FMN1: variants seen among roughly 807,000 people sequenced by gnomAD.
FMN1 encodes formin 1.
In FMN1, 110 loss-of-function variants were observed where a neutral mutation model predicts 132.4. The observed-to-expected ratio is 0.83, with a 90% CI of 0.71 to 0.97. The LOEUF is 0.97. Among genes scored for constraint, FMN1 ranks in the 50% least tolerant of loss-of-function variants. The pLI is 0.00. For synonymous variants in FMN1, 722 were observed against 651.7 expected, an observed-to-expected ratio of 1.11 and a Z score of -1.64; for missense variants, 1,792 against 1,705.3, an observed-to-expected ratio of 1.05 and a Z score of -0.90.
intron 10 of FMN1, among the ~76,000 whole-genome samples, chr15:32,919,674 G>A (rs1286459260): frequency 2.0e-5 from 3 of 152,116 alleles, no homozygotes; most frequent in African/African-American, 7.2e-5. Flanking sequence ...CTGTTGGGGT[G>A]CACGATAAAA....
chr15:32,881,914 C>T (rs2059780770), intron 16 of FMN1, among the ~76,000 whole-genome samples: 1 of 152,102 alleles, frequency 6.6e-6, no homozygotes, highest in Admixed American at 6.5e-5. Context: ...CAGGGATGGC[C>T]CTTTAGTCCT....
intron 10 of FMN1, among the ~76,000 whole-genome samples, chr15:32,915,157 T>C (rs1442127327): frequency 6.6e-6 from 1 of 152,140 alleles, no homozygotes; most frequent in Non-Finnish European, 1.5e-5. Flanking sequence ...GCCAGAAGTC[T>C]GAAAAATAAA....
chr15:33,073,766 C>T (rs2038091042), intron 5 of FMN1, among the ~76,000 whole-genome samples: 3 of 149,004 alleles, frequency 2.0e-5, no homozygotes, highest in African/African-American at 5.0e-5. Flanking sequence ...GGTCTCACTG[C>T]GTTACCCAGG....
At chr15:32,789,666 T>C (rs2057001328) in intron 19 of FMN1, among the ~76,000 whole-genome samples, 1 of 152,162 alleles carries the variant, frequency 6.6e-6, no homozygotes, top group Non-Finnish European at 1.5e-5. Context: ...AAGGGTACAG[T>C]AATATTCTAG....
chr15:33,021,918 T>A lies in FMN1; in HGVS notation c.2162-13843A>T, dbSNP rs1487836185. ...TTAAATAATGGCCACAAAACAAATC[T>A]TCTAGAAAAGGCACACACTTAACTA... On this transcript the variant is annotated intron_variant, in intron 6 of 20. Coordinates refer to ENST00000616417, the MANE Select transcript of FMN1 (RefSeq NM_001277313.2). Among the ~76,000 whole-genome samples the A allele has an allele frequency of 2.7e-5, 4 of 150,128 alleles. No homozygotes were observed. The East Asian group carries it at 7.7e-4, about 29-fold the overall frequency.
At chr15:32,997,299 A>C (rs1269275695) in intron 7 of FMN1, among the ~76,000 whole-genome samples, 1 of 151,550 alleles carries the variant, frequency 6.6e-6, no homozygotes, top group East Asian at 1.9e-4. Context: ...TTTCTTTCCT[A>C]ACACTACAGA....
intron 4 of FMN1, among the ~76,000 whole-genome samples, chr15:33,092,770 C>T (rs1419093790): frequency 1.3e-5 from 2 of 152,174 alleles, no homozygotes; most frequent in African/African-American, 4.8e-5. Context: ...TGTCTGCTCC[C>T]ACTAGAAGCA....
intron 7 of FMN1, among the ~76,000 whole-genome samples, chr15:32,985,155 G>C (rs1292451529): frequency 6.6e-6 from 1 of 152,024 alleles, no homozygotes; most frequent in Non-Finnish European, 1.5e-5. Context: ...GGCTGGTTTA[G>C]GTTGCCACCA....
In FMN1 at chr15:33,065,057, A is replaced by T; in HGVS notation, c.2061T>A (p.Thr687=). Reference sequence around the variant, plus strand: ...TGCCAGGAGTCCTGTCATCCTGCTCAGTCAGGCTGTGGTCAGGCTGTTGAA... The same window carrying T: ...TGCCAGGAGTCCTGTCATCCTGCTCTGTCAGGCTGTGGTCAGGCTGTTGAA... ...YLDLHPDHSL[T]EQDDRTPGRL... is the part of the protein sequence containing the mutation. Residue 687 remains threonine, a synonymous_variant, in exon 6 of 21, where the codon ACT becomes ACA. Coordinates refer to ENST00000616417, the MANE Select transcript of FMN1 (RefSeq NM_001277313.2). 2 of 1,610,226 alleles carry T rather than the reference A, an allele frequency of 1.2e-6. No individual in the cohort carries two copies. The highest frequency in any genetic ancestry group is 1.7e-4 in the Middle Eastern group (1 of 6,054).
intron 10 of FMN1, among the ~76,000 whole-genome samples, chr15:32,921,952 C>CT (rs1414408195): frequency 1.3e-5 from 2 of 152,102 alleles, no homozygotes; most frequent in South Asian, 4.1e-4. Flanking sequence ...GATTACATGT[C>CT]TGTTTTTCAC....
At chr15:32,970,902 G>A (rs948383198) in intron 7 of FMN1, 4 of 152,166 alleles carry the variant, frequency 2.6e-5, no homozygotes, top group Non-Finnish European at 5.9e-5. Flanking sequence ...ACTGAAAGGC[G>A]AAGTTTTTCG....
intron 4 of FMN1, among the ~76,000 whole-genome samples, chr15:33,130,100 G>A (rs1291011926): frequency 6.6e-6 from 1 of 152,148 alleles, no homozygotes; most frequent in Non-Finnish European, 1.5e-5. Context: ...CCAAAGTACT[G>A]GGATTATAGG....
At chr15:33,024,710 T>C (rs945048448) in intron 6 of FMN1, among the ~76,000 whole-genome samples, 2 of 152,222 alleles carry the variant, frequency 1.3e-5, no homozygotes, top group African/African-American at 4.8e-5. Context: ...TCAGAAATTC[T>C]ACTCTAATGT....
intron 8 of FMN1, among the ~76,000 whole-genome samples, chr15:32,967,501 G>C (rs772710715): frequency 6.6e-6 from 1 of 152,316 alleles, no homozygotes; most frequent in South Asian, 2.1e-4. Context: ...TTTAGGAAAT[G>C]TCTGAGTCTT....
intron 10 of FMN1, among the ~76,000 whole-genome samples, chr15:32,918,696 G>A (rs1018690453): frequency 1.3e-5 from 2 of 152,174 alleles, no homozygotes; most frequent in South Asian, 2.1e-4. Flanking sequence ...TCTCCAGAGG[G>A]CAGTGGAATG....
chr15:32,935,901 C>G (rs2061257121), intron 9 of FMN1, among the ~76,000 whole-genome samples: 1 of 152,168 alleles, frequency 6.6e-6, no homozygotes, highest in African/African-American at 2.4e-5. Flanking sequence ...GCTGGGATTA[C>G]AGGCGTGAGC....
At chr15:32,884,491 C>T (rs1480705842) in intron 16 of FMN1, among the ~76,000 whole-genome samples, 3 of 152,160 alleles carry the variant, frequency 2.0e-5, no homozygotes, top group African/African-American at 4.8e-5. Flanking sequence ...CCCACTTGGA[C>T]GGTCCAGGAT....
intron 4 of FMN1, among the ~76,000 whole-genome samples, chr15:33,152,230 A>G (rs1964466610): frequency 6.6e-6 from 1 of 152,238 alleles, no homozygotes; most frequent in African/African-American, 2.4e-5. Context: ...TGCTTCTTTT[A>G]CACAGTCTTT....
intron 9 of FMN1, among the ~76,000 whole-genome samples, chr15:32,963,902 C>T (rs1478225289): frequency 6.6e-6 from 1 of 151,278 alleles, no homozygotes; most frequent in Non-Finnish European, 1.5e-5. Context: ...GCACCAACAG[C>T]ATGTAATGAA....
Sources: allele counts gnomAD v4.1 joint callset (sites outside exome capture counted in the v4.1 genomes callset), GRCh38; gene constraint gnomAD v4.1.1; transcripts MANE v1.5; gene names NCBI Gene and HGNC (gene_info 2026-07-23, HGNC 2026-07-21).